The following CYB5B variants were observed in gnomAD, a reference collection of about 807,000 sequenced individuals.
CYB5B encodes cytochrome b5 type B.
In CYB5B, 14 loss-of-function variants were observed where a neutral mutation model predicts 21.3. That is an observed-to-expected ratio of 0.66 (90% CI 0.43 to 1.03). CYB5B has a LOEUF of 1.03. Among genes scored for constraint, CYB5B ranks in the 50% least tolerant of loss-of-function variants. The probability of loss-of-function intolerance (pLI) is 0.00; values close to 1 mark genes in which losing one functional copy is unlikely to be tolerated. For missense variants in CYB5B, 166 were observed against 185.1 expected, an observed-to-expected ratio of 0.90 and a Z score of 0.60; for synonymous variants, 69 against 68.4, an observed-to-expected ratio of 1.01 and a Z score of -0.04.
At chr16:69,431,487 C>G (rs2014705770) in intron 1 of CYB5B, among the ~76,000 whole-genome samples, 1 of 151,788 alleles carries the variant, frequency 6.6e-6, no homozygotes, top group Admixed American at 6.6e-5. Context: ...AAAAACAAAA[C>G]AAAGCTGGGT....
chr16:69,458,283 G>A (rs1191286393), intron 3 of CYB5B, among the ~76,000 whole-genome samples: 1 of 152,060 alleles, frequency 6.6e-6, no homozygotes, highest in Non-Finnish European at 1.5e-5. Context: ...ATTAGCAGTC[G>A]TTTTCCATTT....
chr16:69,455,245 A>G (rs1373154124), intron 3 of CYB5B, among the ~76,000 whole-genome samples: 1 of 151,862 alleles, frequency 6.6e-6, no homozygotes, highest in Non-Finnish European at 1.5e-5. Context: ...ATTCTTTCCT[A>G]CATTTATGTC....
intron 1 of CYB5B, among the ~76,000 whole-genome samples, chr16:69,442,237 C>A (rs1209822797): frequency 2.6e-5 from 4 of 152,034 alleles, no homozygotes; most frequent in Admixed American, 2.0e-4. Context: ...TACATGAAAT[C>A]TTTCAGAAAA....
rs1468407709 is a variant in CYB5B, at chr16:69,464,715, A to T, written c.*2195A>T. ...TTTGTTATTTTTAAGGTAAATGCCA[A>T]TGCAAAAGGTATGTTTTTCTACTTC... On this transcript the variant is annotated 3_prime_UTR_variant, in exon 5 of 5. Coordinates refer to ENST00000307892, the MANE Select transcript of CYB5B (RefSeq NM_030579.3). 6.5e-6 allele frequency: 1 copy of T among 152,690 alleles called. No individual in the cohort carries two copies. The highest frequency in any genetic ancestry group is 1.9e-4 in the East Asian group (1 of 5,206). 9.5% of individuals were successfully genotyped at this position (152,690 alleles called of 1,614,324 possible).
chr16:69,462,380 A>G lies in CYB5B; in HGVS notation c.363-50A>G, dbSNP rs2015043644. ...ATGTGAAAGCTGAAAGATAGTGAACATTTGGCTTAAAATATTAACAACTTT... is the reference window on the plus strand; with the variant it reads ...ATGTGAAAGCTGAAAGATAGTGAACGTTTGGCTTAAAATATTAACAACTTT... On this transcript the variant is annotated intron_variant, in intron 4 of 4. Transcript: ENST00000307892. 2.8e-6 allele frequency: 4 copies of G among 1,432,108 alleles called. No individual in the cohort carries two copies. In the South Asian group the frequency reaches 4.6e-5, roughly 16 times the overall value. 88.7% of individuals were successfully genotyped at this position (1,432,108 alleles called of 1,614,324 possible).
Position 69,459,134 on chromosome 16 carries a change from T to G in CYB5B, c.362+13T>G, listed in dbSNP as rs781726489. The G allele has an allele frequency of 3.1e-6, 5 of 1,606,496 alleles. No individual in the cohort carries two copies. The highest frequency in any genetic ancestry group is 2.5e-6 in the Non-Finnish European group (3 of 1,177,526). The stretch of plus-strand genomic sequence containing the variant: ...ATACATGCAAAAGGTTAGTATCTCC[T>G]TAACAGCTTTCCATACGTTCAAGGT... On this transcript the variant is annotated intron_variant, in intron 4 of 4. Coordinates refer to ENST00000307892, the MANE Select transcript of CYB5B (RefSeq NM_030579.3).
At chr16:69,432,534 T>C (rs1417080407) in intron 1 of CYB5B, among the ~76,000 whole-genome samples, 1 of 152,252 alleles carries the variant, frequency 6.6e-6, no homozygotes, top group East Asian at 1.9e-4. Flanking sequence ...TGTGCAAACA[T>C]GTATATACTT....
chr16:69,429,249 T>C (rs1320140404), intron 1 of CYB5B, among the ~76,000 whole-genome samples: 1 of 152,044 alleles, frequency 6.6e-6, no homozygotes, highest in East Asian at 1.9e-4. Context: ...AGATTTATTG[T>C]GAAGAGTGAA....
chr16:69,434,112 T>A (rs2014733979), intron 1 of CYB5B, among the ~76,000 whole-genome samples: 1 of 152,224 alleles, frequency 6.6e-6, no homozygotes, highest in Non-Finnish European at 1.5e-5. Flanking sequence ...CCATACACAC[T>A]CATTTTATTT....
At chr16:69,448,254 C>G in intron 3 of CYB5B, 110 bp downstream of exon 3, 1 of 1,300,018 alleles carries the variant, frequency 7.7e-7, no homozygotes, top group Admixed American at 2.1e-5. Flanking sequence ...TTACTTTTTC[C>G]CCAAGCAAAA....
At chr16:69,435,935 GC>G in intron 1 of CYB5B, among the ~76,000 whole-genome samples, 1 of 152,306 alleles carries the variant, frequency 6.6e-6, no homozygotes, top group South Asian at 2.1e-4. Flanking sequence ...ACTGTGCCTG[GC>G]CTAACATTAT....
At chr16:69,427,226 A>T (rs897244262) in intron 1 of CYB5B, among the ~76,000 whole-genome samples, 2 of 151,012 alleles carry the variant, frequency 1.3e-5, no homozygotes, top group African/African-American at 4.9e-5. Flanking sequence ...ACAGAGTGAG[A>T]CTCCATCTCA....
chr16:69,462,748 G>T lies in CYB5B; in HGVS notation c.*228G>T, dbSNP rs376679722. ...ACTGTTCCGTGTTGAACAATTGCCGGTGTTTCCTCTCTTCACTGGTTTCCA... is the reference window on the plus strand; with the variant it reads ...ACTGTTCCGTGTTGAACAATTGCCGTTGTTTCCTCTCTTCACTGGTTTCCA... On this transcript the variant is annotated 3_prime_UTR_variant, in exon 5 of 5. Coordinates refer to ENST00000307892, the MANE Select transcript of CYB5B (RefSeq NM_030579.3). 17 of 488,308 alleles carry T rather than the reference G, an allele frequency of 3.5e-5. No individual in the cohort carries two copies. The highest frequency in any genetic ancestry group is 2.5e-4 in the African/African-American group (13 of 51,720). The allele number at this position is 488,308 out of a possible 1,614,324, so 30.2% of individuals were successfully genotyped here. A position where few individuals can be genotyped will look rare whatever the true frequency, so the allele number is the denominator to read the frequency against.
intron 1 of CYB5B, among the ~76,000 whole-genome samples, chr16:69,425,274 T>TA (rs1436686680): frequency 6.6e-6 from 1 of 152,178 alleles, no homozygotes. Context: ...TCTGAAGTAA[T>TA]ACCGGTTTTG....
chr16:69,458,460 A>G (rs1351567137), intron 3 of CYB5B, among the ~76,000 whole-genome samples: 7 of 152,194 alleles, frequency 4.6e-5, no homozygotes, highest in Non-Finnish European at 1.0e-4. Context: ...AGTTTGTAGC[A>G]TATATCAATA....
intron 3 of CYB5B, among the ~76,000 whole-genome samples, chr16:69,454,985 T>G (rs2014969378): frequency 6.6e-6 from 1 of 151,958 alleles, no homozygotes. Context: ...CCTCCGCCTC[T>G]TGGGTTCAAG....
intron 4 of CYB5B, 29 bp downstream of exon 4, chr16:69,459,150 C>T (rs368147778): frequency 3.6e-5 from 57 of 1,599,532 alleles, no homozygotes; most frequent in South Asian, 1.0e-4. Context: ...GCTTTCCATA[C>T]GTTCAAGGTA....
intron 3 of CYB5B, among the ~76,000 whole-genome samples, chr16:69,452,669 CA>C (rs199841748): frequency 6.6e-6 from 1 of 151,344 alleles, no homozygotes; most frequent in East Asian, 1.9e-4. Context: ...GACCCTGTCT[CA>C]AAAAAAATTT....
In CYB5B at chr16:69,462,438, C is replaced by T. The variant is rs908241761; in HGVS notation, c.371C>T (p.Ala124Val). 1.9e-6 allele frequency: 3 copies of T among 1,613,226 alleles called. No homozygotes were observed. In the African/African-American group the frequency reaches 4.0e-5, roughly 22 times the overall value. ...SKNDTCKSCW[A>V]YWILPIIGAV... is the part of the protein sequence containing the mutation. ...TCTCCCCCTATTCCTAGTTGCTGGG[C>T]ATATTGGATTTTACCCATCATAGGC... The change falls in exon 5 of 5, where the codon GCA becomes GTA. Residue 124 changes from alanine to valine, a missense_variant. Transcript: ENST00000307892.
Sources: allele counts gnomAD v4.1 joint callset (sites outside exome capture counted in the v4.1 genomes callset), GRCh38; gene constraint gnomAD v4.1.1; transcripts MANE v1.5; gene names NCBI Gene and HGNC (gene_info 2026-07-23, HGNC 2026-07-21).